RAB11FIP3: variants seen among roughly 807,000 people sequenced by gnomAD.
RAB11FIP3 encodes RAB11 family interacting protein 3.
A neutral mutation model predicts 77.8 loss-of-function variants in RAB11FIP3; 17 were observed. The ratio of observed to expected loss-of-function variants is 0.22; its 90% CI spans 0.15 to 0.33. RAB11FIP3 has a LOEUF of 0.33. RAB11FIP3 is among the 10% of genes least tolerant of loss of function. The pLI is 1.00. For synonymous variants in RAB11FIP3, 437 were observed against 448.2 expected (o/e 0.98, Z 0.31); for missense variants, 1,005 against 1,011.2 (o/e 0.99, Z 0.08).
At chr16:439,278 CGTCT>C (rs1370294348) in intron 1 of RAB11FIP3, 2 of 152,134 alleles carry the variant, frequency 1.3e-5, no homozygotes, top group Admixed American at 6.6e-5. Context: ...TGTATCTGTC[CGTCT>C]GTCTTTCTGT....
chr16:475,854 T>TA (rs1331326429), intron 3 of RAB11FIP3, among the ~76,000 whole-genome samples: 2 of 152,038 alleles, frequency 1.3e-5, no homozygotes, highest in African/African-American at 4.8e-5. Flanking sequence ...ACTTTATTTT[T>TA]TATTTTTTAA....
In RAB11FIP3 at chr16:520,236, C is replaced by G; in HGVS notation, c.1975C>G (p.Arg659Gly). Residue 659 changes from arginine to glycine, a missense_variant, in exon 12 of 14, where the codon CGG becomes GGG. Transcript: ENST00000262305. ...CCTGCAGGAGTACCACAGCCGCGCCCGGGAGAGCGAGCTGGAGCAGGAGGT... is the reference window on the plus strand; with the variant it reads ...CCTGCAGGAGTACCACAGCCGCGCCGGGGAGAGCGAGCTGGAGCAGGAGGT... ...MGLQEYHSRA[R>G]ESELEQEVRR... The G allele has an allele frequency of 1.3e-6, 2 of 1,546,240 alleles. No individual in the cohort carries two copies. Among genetic ancestry groups the G allele is most frequent in the South Asian group, 1.2e-5 (1 of 84,498 alleles).
At chr16:484,374 C>T (rs1008641572) in intron 4 of RAB11FIP3, among the ~76,000 whole-genome samples, 1 of 150,520 alleles carries the variant, frequency 6.6e-6, no homozygotes, top group Non-Finnish European at 1.5e-5. Context: ...TTTTTTGAGA[C>T]GGAGTCTCGC....
At position 510,775 on chromosome 16, in the gene RAB11FIP3, A is replaced by G. The variant is rs2032104793; in HGVS notation, c.1615A>G (p.Ile539Val). The change falls in exon 9 of 14, where the codon ATT (isoleucine) becomes GTT (valine). Residue 539 changes from isoleucine to valine, a missense_variant. Coordinates refer to ENST00000262305, the MANE Select transcript of RAB11FIP3 (RefSeq NM_014700.4). Reference protein sequence around the residue: ...LLCKMEREKSIEIENLQTRLQ... With the variant: ...LLCKMEREKSVEIENLQTRLQ... The stretch of plus-strand genomic sequence containing the variant: ...GTGCAAGATGGAGAGGGAGAAGAGC[A>G]TTGAGATCGAGAACCTGCAGACCAG... 6.2e-7 allele frequency: 1 copy of G among 1,613,356 alleles called. No individual in the cohort carries two copies. The highest frequency in any genetic ancestry group is 8.5e-7 in the Non-Finnish European group (1 of 1,179,816).
intron 1 of RAB11FIP3, among the ~76,000 whole-genome samples, chr16:438,622 G>A (rs746418658): frequency 1.3e-5 from 2 of 151,004 alleles, no homozygotes; most frequent in South Asian, 4.2e-4. Context: ...CTGACCTTGG[G>A]ATCTGTCTGC....
chr16:479,184 G>A (rs1274796675), intron 3 of RAB11FIP3, among the ~76,000 whole-genome samples: 2 of 152,114 alleles, frequency 1.3e-5, no homozygotes, highest in Non-Finnish European at 2.9e-5. Context: ...TTGAGCTCAG[G>A]AGTTTGGGAC....
At chr16:430,185 A>G (rs1289257049) in intron 1 of RAB11FIP3, among the ~76,000 whole-genome samples, 1 of 152,152 alleles carries the variant, frequency 6.6e-6, no homozygotes, top group African/African-American at 2.4e-5. Context: ...ATCTCTGGAG[A>G]TTGACATGAC....
chr16:494,157 G>A (rs2030888410), intron 5 of RAB11FIP3, among the ~76,000 whole-genome samples: 2 of 144,894 alleles, frequency 1.4e-5, no homozygotes, highest in African/African-American at 5.2e-5. Flanking sequence ...CCAAAGTGCT[G>A]GGATTACAGG....
In RAB11FIP3 at chr16:507,378, T is replaced by C. The variant is rs945433805; in HGVS notation, c.1499+1751T>C. Reference sequence around the variant, plus strand: ...TGCCTGCCTCAGCCTCCCAAAATGCTGGGATTACAGGCGTGAGCCACCGTG... The same window carrying C: ...TGCCTGCCTCAGCCTCCCAAAATGCCGGGATTACAGGCGTGAGCCACCGTG... On this transcript the variant is annotated intron_variant, in intron 8 of 13. Coordinates refer to ENST00000262305, the MANE Select transcript of RAB11FIP3 (RefSeq NM_014700.4). This position sits in a 1 kb window ranked among gnomAD's most constrained non-coding sequence, Gnocchi z 4.6. Among the ~76,000 whole-genome samples the C allele has an allele frequency of 1.3e-5, 2 of 152,240 alleles. No homozygotes were observed. Among genetic ancestry groups the C allele is most frequent in the African/African-American group, 4.8e-5 (2 of 41,466 alleles).
chr16:448,569 T>C (rs2055354971), intron 1 of RAB11FIP3, among the ~76,000 whole-genome samples: 1 of 151,522 alleles, frequency 6.6e-6, no homozygotes, highest in Non-Finnish European at 1.5e-5. Context: ...ACCCCTTCTC[T>C]AATAAAAATA....
intron 3 of RAB11FIP3, among the ~76,000 whole-genome samples, chr16:475,812 A>T (rs7206447): frequency 0.065 from 9,969 of 152,290 alleles, 342 homozygotes; most frequent in Middle Eastern, 0.078. Context: ...CAGTGCACGG[A>T]GCCACTCTGC....
rs1471008650 is a variant in RAB11FIP3, at chr16:471,075, G to A, written c.809-220G>A. The stretch of plus-strand genomic sequence containing the variant: ...CCTCAGAATTCTCTCCAGAAGCCTT[G>A]TTCCTGTGGGCAACGCATCTCTGAC... On this transcript the variant is annotated intron_variant, in intron 2 of 13. Coordinates refer to ENST00000262305, the MANE Select transcript of RAB11FIP3 (RefSeq NM_014700.4). The surrounding 1 kb of genome is among the most constrained non-coding windows in gnomAD (Gnocchi z 4.4). Among the ~76,000 whole-genome samples the A allele has an allele frequency of 6.6e-6, 1 of 151,248 alleles. No homozygotes were observed. The highest frequency in any genetic ancestry group is 2.4e-5 in the African/African-American group (1 of 41,044).
Position 520,482 on chromosome 16 carries a change from G to C in RAB11FIP3, c.2040G>C (p.Gln680His). ...LKQDNRNLKE[Q>H]NEELNGQIIT... ...AGGACAACCGCAACCTGAAGGAGCAGAACGAGGAGCTGAACGGGCAGATCA... is the reference window on the plus strand; with the variant it reads ...AGGACAACCGCAACCTGAAGGAGCACAACGAGGAGCTGAACGGGCAGATCA... The change falls in exon 13 of 14, where the codon CAG (glutamine) becomes CAC (histidine). Residue 680 changes from glutamine (Q) to histidine (H), a missense_variant. Gln to His is a conservative substitution (Grantham distance 24). Coordinates refer to ENST00000262305, the MANE Select transcript of RAB11FIP3 (RefSeq NM_014700.4). 6.2e-7 allele frequency: 1 copy of C among 1,613,622 alleles called. No individual in the cohort carries two copies. Among genetic ancestry groups the C allele is most frequent in the Non-Finnish European group, 8.5e-7 (1 of 1,180,016 alleles).
Position 520,693 on chromosome 16 carries a change from C to A in RAB11FIP3, c.2158-33C>A, listed in dbSNP as rs753726308. 2.5e-6 allele frequency: 4 copies of A among 1,611,820 alleles called. No homozygotes were observed. The East Asian group carries it at 8.9e-5, about 36-fold the overall frequency. The stretch of plus-strand genomic sequence containing the variant: ...TATGCGCTGTGGCCTGTGGCCCATG[C>A]GCCTCAGCTCTGACCACCTGCTTGC... On this transcript the variant is annotated intron_variant, in intron 13 of 13. Transcript: ENST00000262305.
At position 507,401 on chromosome 16, in the gene RAB11FIP3, G is replaced by A. The variant is rs1049942652; in HGVS notation, c.1499+1774G>A. Among the ~76,000 whole-genome samples, 96 of 152,044 alleles carry A rather than the reference G, an allele frequency of 6.3e-4. No homozygotes were observed. Among genetic ancestry groups the A allele is most frequent in the Non-Finnish European group, 1.0e-3 (71 of 68,000 alleles). On this transcript the variant is annotated intron_variant, in intron 8 of 13. Coordinates refer to ENST00000262305, the MANE Select transcript of RAB11FIP3 (RefSeq NM_014700.4). The surrounding 1 kb of genome is among the most constrained non-coding windows in gnomAD (Gnocchi z 4.6). ...GCTGGGATTACAGGCGTGAGCCACCGTGCCCGGCCTAGTTTTTAATTTTTT... is the reference window on the plus strand; with the variant it reads ...GCTGGGATTACAGGCGTGAGCCACCATGCCCGGCCTAGTTTTTAATTTTTT...
At chr16:468,502 A>G (rs1365508622) in intron 2 of RAB11FIP3, among the ~76,000 whole-genome samples, 1 of 152,226 alleles carries the variant, frequency 6.6e-6, no homozygotes, top group Non-Finnish European at 1.5e-5. Flanking sequence ...GGAAAATGTG[A>G]TCATCCAAAC....
chr16:496,955 A>AT (rs543076966), intron 6 of RAB11FIP3, 96 bp downstream of exon 6: 20 of 1,366,046 alleles, frequency 1.5e-5, no homozygotes, highest in Admixed American at 4.0e-5. Flanking sequence ...TTTCCAAGGT[A>AT]TTTTTTAAAC....
chr16:442,039 C>T (rs1056606996), intron 1 of RAB11FIP3, among the ~76,000 whole-genome samples: 10 of 152,122 alleles, frequency 6.6e-5, no homozygotes, highest in African/African-American at 9.7e-5. Flanking sequence ...GGGGTTTCAC[C>T]GTGTTAGCCA....
intron 6 of RAB11FIP3, 189 bp downstream of exon 6, chr16:497,048 G>T: frequency 1.5e-6 from 1 of 653,004 alleles, no homozygotes; most frequent in Non-Finnish European, 2.4e-6. Context: ...CTGTGAATTT[G>T]GACCTGGATT....
Sources: gnomAD v4.1 joint callset for allele counts (sites outside exome capture counted in the v4.1 genomes callset) on GRCh38, gnomAD v4.1.1 for gene constraint, Gnocchi (gnomAD v3.1) non-coding constraint, MANE v1.5 for transcripts, NCBI Gene and HGNC (gene_info 2026-07-23, HGNC 2026-07-21) for gene names.